The following PKD1L1 variants were observed in gnomAD, a reference collection of about 807,000 sequenced individuals.
PKD1L1 encodes the protein polycystin-1-like protein 1.
In PKD1L1, 236 loss-of-function variants were observed where a neutral mutation model predicts 323.4. The observed-to-expected ratio is 0.73, with a 90% CI of 0.66 to 0.81. The LOEUF is 0.81. Ranked by LOEUF, PKD1L1 falls within the 40% of genes least tolerant of loss-of-function variation. The probability of loss-of-function intolerance (pLI) is 0.00; values close to 1 mark genes in which losing one functional copy is unlikely to be tolerated. For synonymous variants in PKD1L1, 1,344 were observed against 1,335.0 expected, an observed-to-expected ratio of 1.01 and a Z score of -0.15; for missense variants, 3,320 against 3,508.0, an observed-to-expected ratio of 0.95 and a Z score of 1.35.
At position 47,871,837 on chromosome 7, in the gene PKD1L1, C is replaced by T. The variant is rs541864389; in HGVS notation, c.3896+2062G>A. On this transcript the variant is annotated intron_variant, in intron 24 of 56. Coordinates refer to ENST00000289672, the MANE Select transcript of PKD1L1 (RefSeq NM_138295.5). The stretch of plus-strand genomic sequence containing the variant: ...AATATTAATATGAAGTGGTGAAAGA[C>T]TGAATGCTTCCTCCTTAAAACTGAG... Among the ~76,000 whole-genome samples the T allele has an allele frequency of 3.3e-5, 5 of 152,242 alleles. No individual in the cohort carries two copies. In the South Asian group the frequency reaches 1.0e-3, roughly 32 times the overall value.
chr7:47,908,503 T>C (rs2128751581), intron 8 of PKD1L1, among the ~76,000 whole-genome samples: 1 of 152,352 alleles, frequency 6.6e-6, no homozygotes, highest in South Asian at 2.1e-4. Flanking sequence ...TAATTATTTT[T>C]AGCAAGGAGT....
chr7:47,890,022 G>A (rs548148612), intron 16 of PKD1L1, among the ~76,000 whole-genome samples: 1 of 152,334 alleles, frequency 6.6e-6, no homozygotes, highest in East Asian at 1.9e-4. Flanking sequence ...ACCCACTGGC[G>A]CTGTTCTGGC....
chr7:47,864,003 T>C (rs1459046597), intron 26 of PKD1L1, among the ~76,000 whole-genome samples: 5 of 152,160 alleles, frequency 3.3e-5, no homozygotes, highest in African/African-American at 1.2e-4. Flanking sequence ...GGGATTTTTT[T>C]TTAAAATAAG....
At chr7:47,911,836 T>C (rs1293453219) in intron 8 of PKD1L1, among the ~76,000 whole-genome samples, 1 of 149,570 alleles carries the variant, frequency 6.7e-6, no homozygotes, top group African/African-American at 2.5e-5. Context: ...TCAACACGCA[T>C]ACATGTGTGT....
At chr7:47,892,852 G>A (rs1786851238) in intron 15 of PKD1L1, among the ~76,000 whole-genome samples, 1 of 151,998 alleles carries the variant, frequency 6.6e-6, no homozygotes, top group South Asian at 2.1e-4. Context: ...ACCGGGGGTA[G>A]GGGAGGTGGT....
intron 7 of PKD1L1, among the ~76,000 whole-genome samples, chr7:47,925,367 A>G (rs1787637146): frequency 6.6e-6 from 1 of 152,208 alleles, no homozygotes; most frequent in Non-Finnish European, 1.5e-5. Flanking sequence ...AAAGAAAAGA[A>G]AAAACAGAAA....
In PKD1L1 at chr7:47,830,108, A is replaced by T. The variant is rs768443588; in HGVS notation, c.6490T>A (p.Cys2164Ser). ...FLAYRFGQEQ[C>S]VQWLHLLSLS... ...GACAGCAGGTGCAGCCACTGCACAC[A>T]TTGCTCCTGGCCAAACCTGCCCCCA... The change falls in exon 43 of 57, where the codon TGT (cysteine) becomes AGT (serine). Residue 2164 changes from cysteine to serine, a missense_variant. Cys to Ser is a moderately radical substitution (Grantham distance 112). Transcript: ENST00000289672. 2 of 1,614,070 alleles carry T rather than the reference A, an allele frequency of 1.2e-6. No homozygotes were observed. The highest frequency in any genetic ancestry group is 2.2e-5 in the South Asian group (2 of 91,064).
intron 4 of PKD1L1, among the ~76,000 whole-genome samples, chr7:47,933,083 A>C (rs934741693): frequency 8.5e-5 from 13 of 152,200 alleles, no homozygotes; most frequent in African/African-American, 3.1e-4. Flanking sequence ...AAAAAGAAAC[A>C]TTTTATCTGA....
chr7:47,947,484 C>T (rs1298754468), intron 1 of PKD1L1, among the ~76,000 whole-genome samples: 1 of 152,186 alleles, frequency 6.6e-6, no homozygotes, highest in Non-Finnish European at 1.5e-5. Context: ...ACAGCGGTGA[C>T]CCACCTGGGT....
intron 56 of PKD1L1, among the ~76,000 whole-genome samples, chr7:47,788,236 C>T (rs1786855911): frequency 6.6e-6 from 1 of 151,474 alleles, no homozygotes; most frequent in Non-Finnish European, 1.5e-5. Context: ...AGCTTCCTCC[C>T]TGTTTGGTGA....
chr7:47,865,188 A>G lies in PKD1L1; in HGVS notation c.4149+28T>C, dbSNP rs758380085. 4 of 1,578,494 alleles carry G rather than the reference A, an allele frequency of 2.5e-6. No individual in the cohort carries two copies. The Admixed American group carries it at 6.8e-5, about 27-fold the overall frequency. On this transcript the variant is annotated intron_variant, in intron 26 of 56. Transcript: ENST00000289672. Reference sequence around the variant, plus strand: ...CCCTCAAAACTATATAAAATAGGAAAATATTTCTGGGAAAAAATTGCACTT... The same window carrying G: ...CCCTCAAAACTATATAAAATAGGAAGATATTTCTGGGAAAAAATTGCACTT...
rs1233090558 is a variant in PKD1L1 at position 47,796,146 on chromosome 7, C to T, written c.8198G>A (p.Arg2733Lys). ...TTGGGGTAAAGTCATGAGAAAACCTCTCAGCTAGGAAAAAGAAAAAAATAA... is the reference window on the plus strand; with the variant it reads ...TTGGGGTAAAGTCATGAGAAAACCTTTCAGCTAGGAAAAAGAAAAAAATAA... ...VSATLCFGMLRGFLMTLPQKR... is the reference protein window; with the variant it reads ...VSATLCFGMLKGFLMTLPQKR... The change falls in exon 55 of 57, where the codon AGA becomes AAA. Residue 2733 changes from arginine to lysine, a missense_variant. By Grantham distance (26) the Arg-to-Lys change is conservative (BLOSUM62 2). Transcript: ENST00000289672. The T allele has an allele frequency of 2.5e-6, 4 of 1,584,980 alleles. No homozygotes were observed. The highest frequency in any genetic ancestry group is 3.4e-6 in the Non-Finnish European group (4 of 1,169,980).
At chr7:47,816,355 C>G (rs1486357859) in intron 46 of PKD1L1, among the ~76,000 whole-genome samples, 1 of 152,178 alleles carries the variant, frequency 6.6e-6, no homozygotes, top group Non-Finnish European at 1.5e-5. Flanking sequence ...TGAAATTTAT[C>G]ATTTTTAGTT....
chr7:47,839,528 T>C lies in PKD1L1; in HGVS notation c.5687A>G (p.Gln1896Arg), dbSNP rs867038493. 1 of 1,611,728 alleles carries C rather than the reference T, an allele frequency of 6.2e-7. No homozygotes were observed. Among genetic ancestry groups the C allele is most frequent in the Non-Finnish European group, 8.5e-7 (1 of 1,179,440 alleles). Residue 1896 changes from glutamine (Q) to arginine (R), a missense_variant, in exon 36 of 57, where the codon CAG (glutamine) becomes CGG (arginine). Transcript: ENST00000289672. This position sits in a 1 kb window ranked among gnomAD's most constrained non-coding sequence, Gnocchi z 4.3. ...HTGQGWFFPAQCWLSAGRHDG... is the reference protein window; with the variant it reads ...HTGQGWFFPARCWLSAGRHDG... ...ATGCCTGCCGGCAGACAGCCAGCACTGGGCAGGGAAGAACCAGCCCTGTCC... is the reference window on the plus strand; with the variant it reads ...ATGCCTGCCGGCAGACAGCCAGCACCGGGCAGGGAAGAACCAGCCCTGTCC...
At chr7:47,952,799 A>G (rs1399528376), upstream of PKD1L1, among the ~76,000 whole-genome samples, 7 of 152,212 alleles carry the variant, frequency 4.6e-5, no homozygotes, top group Admixed American at 4.6e-4. Context: ...GTCAAGTTAG[A>G]AAAGACAAAT....
At chr7:47,854,541 T>C (rs1785854117) in intron 30 of PKD1L1, among the ~76,000 whole-genome samples, 1 of 152,170 alleles carries the variant, frequency 6.6e-6, no homozygotes, top group South Asian at 2.1e-4. Context: ...TTTCCTTAGA[T>C]ATATAAATTT....
At chr7:47,870,777 T>C (rs868539226) in intron 24 of PKD1L1, among the ~76,000 whole-genome samples, 14 of 151,906 alleles carry the variant, frequency 9.2e-5, no homozygotes, top group Admixed American at 2.6e-4. Context: ...GGTGGGAGGA[T>C]TGCTTGAGCC....
chr7:47,943,184 ATATATATATATATG>A (rs1237448517), intron 2 of PKD1L1, among the ~76,000 whole-genome samples, 198 bp downstream of exon 2: 1 of 98,704 alleles, frequency 1.0e-5, no homozygotes, highest in East Asian at 3.6e-4. Context: ...ATATATATAT[ATATATATATATATG>A]TGTGTGTACC....
At chr7:47,808,464 G>T in intron 51 of PKD1L1, 77 bp from the exon 52 acceptor site, 1 of 1,548,736 alleles carries the variant, frequency 6.5e-7, no homozygotes, top group Non-Finnish European at 8.8e-7. Flanking sequence ...ACACGCGTTT[G>T]TAAGTTACAG....
Sources: allele counts gnomAD v4.1 joint callset (sites outside exome capture counted in the v4.1 genomes callset), GRCh38; gene constraint gnomAD v4.1.1; non-coding constraint Gnocchi (gnomAD v3.1); transcripts MANE v1.5; gene names NCBI Gene and HGNC (gene_info 2026-07-23, HGNC 2026-07-21).